The following AOAH variants were observed in gnomAD, a reference collection of about 807,000 sequenced individuals.
AOAH encodes the protein acyloxyacyl hydrolase, also known as acyloxyacyl hydrolase (neutrophil).
Under a neutral mutation model 92.2 loss-of-function variants are expected in AOAH, and 64 were observed. The ratio of observed to expected loss-of-function variants is 0.69; its 90% CI spans 0.57 to 0.86. The LOEUF (loss-of-function observed/expected upper bound fraction) is 0.86. Among genes scored for constraint, AOAH ranks in the 40% least tolerant of loss-of-function variants. AOAH has a pLI of 0.00. For synonymous variants in AOAH, 263 were observed against 254.5 expected, an observed-to-expected ratio of 1.03 and a Z score of -0.32; for missense variants, 656 against 694.6, an observed-to-expected ratio of 0.94 and a Z score of 0.62.
intron 2 of AOAH, among the ~76,000 whole-genome samples, chr7:36,677,714 C>G (rs1172182372): frequency 6.6e-6 from 1 of 152,140 alleles, no homozygotes; most frequent in Non-Finnish European, 1.5e-5. Flanking sequence ...AAATACCTAT[C>G]AGCTAATAGA....
chr7:36,671,636 T>A (rs1226574616), intron 3 of AOAH, among the ~76,000 whole-genome samples: 1 of 145,416 alleles, frequency 6.9e-6, no homozygotes, highest in Non-Finnish European at 1.5e-5. Context: ...TGCATCTGTG[T>A]GTGTGCACGT....
intron 11 of AOAH, among the ~76,000 whole-genome samples, chr7:36,607,190 G>A (rs1271075242): frequency 2.0e-5 from 3 of 152,166 alleles, no homozygotes; most frequent in African/African-American, 7.2e-5. Context: ...GGTCATGTAC[G>A]CACAGATGTG....
chr7:36,616,779 A>G (rs1165789953), intron 10 of AOAH, among the ~76,000 whole-genome samples: 1 of 152,216 alleles, frequency 6.6e-6, no homozygotes, highest in African/African-American at 2.4e-5. Flanking sequence ...CTGAAATCCG[A>G]AATATACCCA....
chr7:36,640,558 A>G (rs1052967571), intron 4 of AOAH, among the ~76,000 whole-genome samples: 2 of 151,972 alleles, frequency 1.3e-5, no homozygotes, highest in Admixed American at 1.3e-4. Context: ...TAGGTGTAAC[A>G]AAGATGTGGA....
At chr7:36,594,050 T>A (rs2116803865) in intron 12 of AOAH, among the ~76,000 whole-genome samples, 1 of 152,374 alleles carries the variant, frequency 6.6e-6, no homozygotes, top group African/African-American at 2.4e-5. Flanking sequence ...AAGTAAACTT[T>A]GTTTTTCCTT....
intron 6 of AOAH, among the ~76,000 whole-genome samples, chr7:36,627,180 C>T (rs1248904856): frequency 2.6e-5 from 4 of 152,136 alleles, no homozygotes; most frequent in Non-Finnish European, 5.9e-5. Context: ...GAAATTAATG[C>T]ATCAAAAGAT....
intron 4 of AOAH, among the ~76,000 whole-genome samples, chr7:36,639,476 T>C (rs1793750266): frequency 6.6e-6 from 1 of 152,148 alleles, no homozygotes; most frequent in Admixed American, 6.5e-5. Flanking sequence ...GCATAGTAGG[T>C]GCTCAGTAAA....
At chr7:36,580,167 A>G (rs1413120049) in intron 12 of AOAH, among the ~76,000 whole-genome samples, 1 of 152,098 alleles carries the variant, frequency 6.6e-6, no homozygotes, top group African/African-American at 2.4e-5. Context: ...GATGTCCTTA[A>G]ATTATTTCAC....
At chr7:36,683,591 ATAGG>A (rs1796779715) in intron 2 of AOAH, among the ~76,000 whole-genome samples, 1 of 152,168 alleles carries the variant, frequency 6.6e-6, no homozygotes, top group Non-Finnish European at 1.5e-5. Context: ...GCAAGGAAGG[ATAGG>A]TAAATGAGTA....
chr7:36,613,450 G>A (rs1317217194), intron 11 of AOAH, among the ~76,000 whole-genome samples: 10 of 152,182 alleles, frequency 6.6e-5, no homozygotes, highest in East Asian at 1.9e-4. Context: ...GGCTGAAGAC[G>A]GATTTCCCCA....
At chr7:36,602,513 G>C (rs2115703334) in intron 11 of AOAH, among the ~76,000 whole-genome samples, 1 of 148,980 alleles carries the variant, frequency 6.7e-6, no homozygotes, top group South Asian at 2.1e-4. Context: ...GAAAACAAGA[G>C]TATAAAATAT....
At chr7:36,620,102 G>A (rs1792173329) in intron 9 of AOAH, among the ~76,000 whole-genome samples, 1 of 152,080 alleles carries the variant, frequency 6.6e-6, no homozygotes, top group Non-Finnish European at 1.5e-5. Flanking sequence ...TGAGACTCCA[G>A]GAATTTGTTA....
intron 1 of AOAH, among the ~76,000 whole-genome samples, chr7:36,713,587 T>C (rs947236368): frequency 2.0e-5 from 3 of 152,146 alleles, no homozygotes; most frequent in African/African-American, 7.2e-5. Flanking sequence ...AGTAAAGCTC[T>C]CCTCAGCAAA....
Position 36,660,222 on chromosome 7 carries a change from A to C in AOAH, c.291-957T>G, listed in dbSNP as rs145023132. ...AATAAACAGCTTTATTGCTCACGCA[A>C]AGCCTGTTTGGTGGTCTCTTCACAC... On this transcript the variant is annotated intron_variant, in intron 3 of 20. Coordinates refer to ENST00000617537, the MANE Select transcript of AOAH (RefSeq NM_001637.4). Among the ~76,000 whole-genome samples the C allele has an allele frequency of 5.2e-4, 79 of 152,314 alleles. 1 individual carries two copies. The highest frequency in any genetic ancestry group is 1.9e-3 in the African/African-American group (78 of 41,562).
chr7:36,580,995 C>T (rs1047511015), intron 12 of AOAH, among the ~76,000 whole-genome samples: 1 of 152,130 alleles, frequency 6.6e-6, no homozygotes, highest in Non-Finnish European at 1.5e-5. Context: ...AGTCCAGAGG[C>T]CCTTGACTTT....
intron 18 of AOAH, among the ~76,000 whole-genome samples, chr7:36,531,677 G>A (rs1423526530): frequency 2.0e-5 from 3 of 152,224 alleles, no homozygotes; most frequent in East Asian, 1.9e-4. Context: ...GAGATTATTC[G>A]CCATCTGTGA....
chr7:36,724,178 C>T lies in AOAH; in HGVS notation c.-30G>A, dbSNP rs186280182. On this transcript the variant is annotated 5_prime_UTR_variant, in exon 1 of 21. Coordinates refer to ENST00000617537, the MANE Select transcript of AOAH (RefSeq NM_001637.4). ...GAGCTATGCACCCCAAGTGATCACCCGGCTTTGGAAGCTCCCAACTGAGGG... is the reference window on the plus strand; with the variant it reads ...GAGCTATGCACCCCAAGTGATCACCTGGCTTTGGAAGCTCCCAACTGAGGG... 48 of 1,609,132 alleles carry T rather than the reference C, an allele frequency of 3.0e-5. No individual in the cohort carries two copies. The highest frequency in any genetic ancestry group is 2.0e-4 in the East Asian group (9 of 44,538).
intron 13 of AOAH, among the ~76,000 whole-genome samples, chr7:36,572,109 T>G (rs1319418511): frequency 6.6e-6 from 1 of 152,190 alleles, no homozygotes; most frequent in African/African-American, 2.4e-5. Context: ...AATGATCACA[T>G]GTACCCTGAA....
intron 19 of AOAH, among the ~76,000 whole-genome samples, chr7:36,523,107 G>A (rs754973839): frequency 6.6e-6 from 1 of 152,160 alleles, no homozygotes; most frequent in Non-Finnish European, 1.5e-5. Flanking sequence ...TTCCCCAGGG[G>A]CTGAGGATAA....
Sources: gnomAD v4.1 joint callset for allele counts (sites outside exome capture counted in the v4.1 genomes callset) on GRCh38, gnomAD v4.1.1 for gene constraint, MANE v1.5 for transcripts, NCBI Gene and HGNC (gene_info 2026-07-23, HGNC 2026-07-21) for gene names.